The following IGSF10 variants were observed in gnomAD, a reference collection of about 807,000 sequenced individuals.
IGSF10 encodes the protein calvaria mechanical force protein 608.
IGSF10 carries 126 observed loss-of-function variants against 128.2 expected under a neutral mutation model. That is an observed-to-expected ratio of 0.98 (90% CI 0.85 to 1.14). The LOEUF is 1.14. Among genes scored for constraint, IGSF10 ranks in the 50% most tolerant of loss-of-function variants. The probability of loss-of-function intolerance (pLI) is 0.00; values close to 1 mark genes in which losing one functional copy is unlikely to be tolerated. For synonymous variants in IGSF10, 1,185 were observed against 1,146.2 expected (o/e 1.03, Z -0.68); for missense variants, 3,295 against 3,149.8 (o/e 1.05, Z -1.10).
the IGSF10 span, among the ~76,000 whole-genome samples, chr3:151,614,363 C>T: frequency 6.6e-6 from 1 of 152,204 alleles, no homozygotes; most frequent in African/African-American, 2.4e-5. Context: ...TATAAAGACA[C>T]ATGCACACGT....
chr3:151,537,702 T>G, the IGSF10 span, among the ~76,000 whole-genome samples: 1 of 152,180 alleles, frequency 6.6e-6, no homozygotes, highest in Admixed American at 6.5e-5. Context: ...TTTCCTCTTC[T>G]AAGTGTTCAT....
At chr3:151,526,773 A>C in the IGSF10 span, among the ~76,000 whole-genome samples, 1 of 152,020 alleles carries the variant, frequency 6.6e-6, no homozygotes, top group Admixed American at 6.6e-5. Flanking sequence ...TTTCCTGGTT[A>C]TCCTTAATGT....
chr3:151,464,335 C>T (rs181686748), upstream of IGSF10, among the ~76,000 whole-genome samples: 48 of 152,198 alleles, frequency 3.2e-4, no homozygotes, highest in South Asian at 4.2e-4. Context: ...CTAGTAAACA[C>T]GACAATAAAT....
chr3:151,541,035 T>C, the IGSF10 span, among the ~76,000 whole-genome samples: 9 of 152,230 alleles, frequency 5.9e-5, no homozygotes, highest in South Asian at 1.5e-3. Context: ...CAGTTCCAGA[T>C]AGTGGAAATC....
chr3:151,523,961 G>A, the IGSF10 span, among the ~76,000 whole-genome samples: 1 of 152,010 alleles, frequency 6.6e-6, no homozygotes, highest in East Asian at 1.9e-4. Context: ...AAATTTACAG[G>A]AGAAAAACAA....
At chr3:151,613,028 T>G in the IGSF10 span, among the ~76,000 whole-genome samples, 3 of 152,124 alleles carry the variant, frequency 2.0e-5, no homozygotes, top group African/African-American at 7.2e-5. Flanking sequence ...AAATCACAAG[T>G]ATTCTTATAC....
the IGSF10 span, among the ~76,000 whole-genome samples, chr3:151,503,357 T>C: frequency 5.3e-5 from 8 of 152,100 alleles, no homozygotes; most frequent in East Asian, 1.5e-3. Flanking sequence ...ACTGCAAGTA[T>C]TACGTTTAAA....
At chr3:151,588,029 G>A in the IGSF10 span, among the ~76,000 whole-genome samples, 1 of 152,266 alleles carries the variant, frequency 6.6e-6, no homozygotes. Flanking sequence ...ATTTGAAGAA[G>A]TAAAGTCAAA....
chr3:151,472,687 C>T, the IGSF10 span, among the ~76,000 whole-genome samples: 2 of 152,248 alleles, frequency 1.3e-5, no homozygotes, highest in Admixed American at 1.3e-4. Context: ...CTCCTGCTCT[C>T]TTAAATTCTG....
the IGSF10 span, among the ~76,000 whole-genome samples, chr3:151,503,125 C>T: frequency 6.6e-6 from 1 of 152,026 alleles, no homozygotes; most frequent in Non-Finnish European, 1.5e-5. Context: ...GGTCCCCAGG[C>T]TGGCAGTGCA....
chr3:151,496,204 A>AT, the IGSF10 span, among the ~76,000 whole-genome samples: 73,212 of 150,458 alleles, frequency 0.49, 18,129 homozygotes, highest in African/African-American at 0.59. Flanking sequence ...CTGAAGCAGT[A>AT]TTTTTTTTTA....
chr3:151,458,713 G>GA lies in IGSF10; in HGVS notation c.-1-4dup, dbSNP rs2108578760. Reference sequence around the variant, plus strand: ...TTCCTCTGCCTTTTACCTTCATCCTGAAAAAACATCATACCTCAGAGTTAT... The same window carrying GA: ...TTCCTCTGCCTTTTACCTTCATCCTGAAAAAAACATCATACCTCAGAGTTAT... On this transcript the variant is annotated splice_region_variant and splice_polypyrimidine_tract_variant and intron_variant, in intron 2 of 7. Transcript: ENST00000282466. The GA allele has an allele frequency of 6.2e-7, 1 of 1,608,804 alleles. No homozygotes were observed. The highest frequency in any genetic ancestry group is 8.5e-7 in the Non-Finnish European group (1 of 1,177,844).
At chr3:151,589,116 AT>A in the IGSF10 span, among the ~76,000 whole-genome samples, 2 of 152,144 alleles carry the variant, frequency 1.3e-5, no homozygotes, top group Non-Finnish European at 2.9e-5. Context: ...ATAAGTAAAA[AT>A]TTTTGCTAAA....
At chr3:151,555,593 C>A in the IGSF10 span, among the ~76,000 whole-genome samples, 1 of 152,142 alleles carries the variant, frequency 6.6e-6, no homozygotes, top group Non-Finnish European at 1.5e-5. Context: ...CATCTCCCAG[C>A]TGCCTGACCT....
chr3:151,498,082 A>G, the IGSF10 span, among the ~76,000 whole-genome samples: 1 of 152,174 alleles, frequency 6.6e-6, no homozygotes, highest in African/African-American at 2.4e-5. Context: ...GGCTGAGACA[A>G]TGGGATTTCC....
the IGSF10 span, among the ~76,000 whole-genome samples, chr3:151,595,368 C>T: frequency 6.6e-6 from 1 of 151,954 alleles, no homozygotes; most frequent in Non-Finnish European, 1.5e-5. Flanking sequence ...TGAAAGCAAC[C>T]TAAGTGTCCA....
the IGSF10 span, among the ~76,000 whole-genome samples, chr3:151,573,872 G>A: frequency 0.01 from 1,538 of 152,302 alleles, 15 homozygotes; most frequent in Middle Eastern, 0.024. Context: ...GGTACCAGTT[G>A]TTCCTTTCCA....
the IGSF10 span, among the ~76,000 whole-genome samples, chr3:151,509,810 G>A: frequency 1.2e-4 from 19 of 152,268 alleles, no homozygotes; most frequent in East Asian, 3.5e-3. Flanking sequence ...CTTATCAAAC[G>A]GCACACCAGG....
the IGSF10 span, among the ~76,000 whole-genome samples, chr3:151,481,618 T>C: frequency 1.3e-5 from 2 of 152,088 alleles, no homozygotes; most frequent in Non-Finnish European, 2.9e-5. Context: ...CACTTGTGCC[T>C]CAGAAAGTGA....
Sources: gnomAD v4.1 joint callset for allele counts (sites outside exome capture counted in the v4.1 genomes callset) on GRCh38, gnomAD v4.1.1 for gene constraint, MANE v1.5 for transcripts, NCBI Gene and HGNC (gene_info 2026-07-23, HGNC 2026-07-21) for gene names.